Variants in DAPK2 observed in about 807,000 individuals in gnomAD.
DAPK2 encodes death associated protein kinase 2.
DAPK2 carries 35 observed loss-of-function variants against 44.1 expected under a neutral mutation model. The ratio of observed to expected loss-of-function variants is 0.79; its 90% CI spans 0.61 to 1.05. The LOEUF (loss-of-function observed/expected upper bound fraction) is 1.05. Ranked by LOEUF, DAPK2 falls within the 50% of genes least tolerant of loss-of-function variation. DAPK2 has a pLI of 0.00. For missense variants in DAPK2, 453 were observed against 483.2 expected, an observed-to-expected ratio of 0.94 and a Z score of 0.59; for synonymous variants, 174 against 182.6, an observed-to-expected ratio of 0.95 and a Z score of 0.38.
At chr15:64,028,207 C>T (rs1371671526) in intron 1 of DAPK2, among the ~76,000 whole-genome samples, 9 of 152,080 alleles carry the variant, frequency 5.9e-5, no homozygotes, top group South Asian at 2.1e-4. Context: ...TACAGGTGTG[C>T]GCCACCACAC....
chr15:64,022,289 T>A (rs2079705789), intron 1 of DAPK2, among the ~76,000 whole-genome samples: 1 of 152,222 alleles, frequency 6.6e-6, no homozygotes, highest in African/African-American at 2.4e-5. Flanking sequence ...TTATTAACAT[T>A]TAAATAGTTT....
intron 3 of DAPK2, among the ~76,000 whole-genome samples, chr15:63,941,295 C>A (rs78381539): frequency 6.6e-6 from 1 of 152,204 alleles, no homozygotes; most frequent in South Asian, 2.1e-4. Context: ...AGCCCCACCC[C>A]GCTCCAGGCC....
At chr15:64,036,309 G>GTGTGTGTA (rs1255068392) in intron 1 of DAPK2, among the ~76,000 whole-genome samples, 6 of 60,518 alleles carry the variant, frequency 9.9e-5, no homozygotes, top group African/African-American at 2.4e-4. Flanking sequence ...GTGTGTGTGT[G>GTGTGTGTA]TATATATATG....
At chr15:64,024,564 C>T (rs1307629947) in intron 1 of DAPK2, among the ~76,000 whole-genome samples, 1 of 152,178 alleles carries the variant, frequency 6.6e-6, no homozygotes, top group Non-Finnish European at 1.5e-5. Flanking sequence ...GAGTGCAAAG[C>T]ACCAAGGAGC....
intron 3 of DAPK2, among the ~76,000 whole-genome samples, chr15:63,970,530 G>T (rs969271575): frequency 6.6e-6 from 1 of 152,020 alleles, no homozygotes; most frequent in Non-Finnish European, 1.5e-5. Context: ...TAGAGTTGCT[G>T]GTTTTTCTAT....
upstream of DAPK2, among the ~76,000 whole-genome samples, chr15:64,042,090 G>T (rs977845341): frequency 2.0e-5 from 3 of 152,008 alleles, no homozygotes; most frequent in African/African-American, 7.3e-5. This position sits in a 1 kb window ranked among gnomAD's most constrained non-coding sequence, Gnocchi z 4.7. Flanking sequence ...ACCCTCTCTG[G>T]GACTCATCCC....
intron 3 of DAPK2, among the ~76,000 whole-genome samples, chr15:63,946,858 A>C (rs1042564155): frequency 1.3e-5 from 2 of 152,192 alleles, no homozygotes; most frequent in Non-Finnish European, 2.9e-5. Context: ...CATGTCAAGC[A>C]CAGCCCCAGA....
rs28514720 is a variant in DAPK2, at chr15:63,934,643, C to T, written c.584-4188G>A. Among the ~76,000 whole-genome samples the T allele has an allele frequency of 6.3e-3, 959 of 152,180 alleles. 10 individuals carry two copies. The highest frequency in any genetic ancestry group is 0.022 in the African/African-American group (921 of 41,512). On this transcript the variant is annotated intron_variant, in intron 4 of 10. Transcript: ENST00000261891. ...TGTTATCTCAGCTCTGTGCAACCTCCGCCTCCCAGGTTCAAGCAATTCTTC... is the reference window on the plus strand; with the variant it reads ...TGTTATCTCAGCTCTGTGCAACCTCTGCCTCCCAGGTTCAAGCAATTCTTC...
intron 1 of DAPK2, among the ~76,000 whole-genome samples, chr15:64,032,884 A>C (rs2080056725): frequency 6.6e-6 from 1 of 151,848 alleles, no homozygotes; most frequent in Admixed American, 6.6e-5. Flanking sequence ...TCAGGAGTTC[A>C]AGACCAGCCT....
intron 2 of DAPK2, among the ~76,000 whole-genome samples, chr15:63,982,701 C>T (rs2078556029): frequency 6.6e-6 from 1 of 152,210 alleles, no homozygotes; most frequent in African/African-American, 2.4e-5. Flanking sequence ...GGCCAACCCG[C>T]CTCACACTCA....
upstream of DAPK2, among the ~76,000 whole-genome samples, chr15:64,041,237 AG>A (rs1159361916): frequency 6.6e-6 from 1 of 152,140 alleles, no homozygotes; most frequent in African/African-American, 2.4e-5. Context: ...AGGAGTCAGG[AG>A]CCTGAGGTGC....
At chr15:64,035,473 G>A (rs539587175) in intron 1 of DAPK2, among the ~76,000 whole-genome samples, 1 of 152,240 alleles carries the variant, frequency 6.6e-6, no homozygotes, top group South Asian at 2.1e-4. Context: ...CCGATTAAAG[G>A]AAGTAATGAC....
intron 1 of DAPK2, 69 bp from the exon 3 acceptor site, chr15:63,983,823 C>A: frequency 6.9e-7 from 1 of 1,440,870 alleles, no homozygotes; most frequent in Non-Finnish European, 9.5e-7. Context: ...CCACTGTCAG[C>A]TACCAGGTCA....
chr15:63,932,573 TA>T (rs1430434906), intron 4 of DAPK2: 3 of 151,522 alleles, frequency 2.0e-5, no homozygotes, highest in Non-Finnish European at 4.4e-5. Context: ...TGACACTTTT[TA>T]AAAGCTTGGA....
chr15:63,990,588 G>A lies in DAPK2; in HGVS notation c.93-6834C>T, dbSNP rs1181637669. Among the ~76,000 whole-genome samples the A allele has an allele frequency of 6.6e-6, 1 of 152,134 alleles. No individual in the cohort carries two copies. Among genetic ancestry groups the A allele is most frequent in the African/African-American group, 2.4e-5 (1 of 41,432 alleles). On this transcript the variant is annotated intron_variant, in intron 1 of 10. Transcript: ENST00000261891. The surrounding 1 kb of genome is among the most constrained non-coding windows in gnomAD (Gnocchi z 4.3). ...CATAGAACGCAGGGCCCCAGCCAAGGGACAAGATGCCACCAGAGGTGAGAG... is the reference window on the plus strand; with the variant it reads ...CATAGAACGCAGGGCCCCAGCCAAGAGACAAGATGCCACCAGAGGTGAGAG...
chr15:63,975,684 C>A (rs184791763), intron 2 of DAPK2, among the ~76,000 whole-genome samples: 1 of 151,996 alleles, frequency 6.6e-6, no homozygotes, highest in South Asian at 2.1e-4. Flanking sequence ...CTGCAACCTC[C>A]GCCTCCCAGG....
At chr15:63,929,907 G>T in intron 5 of DAPK2, 2 of 489,570 alleles carry the variant, frequency 4.1e-6, no homozygotes, top group Non-Finnish European at 7.8e-6. Flanking sequence ...TACCTCACAG[G>T]ACTGTTGGCA....
At chr15:64,011,203 G>A (rs561272263) in intron 1 of DAPK2, among the ~76,000 whole-genome samples, 15 of 152,164 alleles carry the variant, frequency 9.9e-5, no homozygotes, top group African/African-American at 3.1e-4. Context: ...CCCCAACTAC[G>A]TGACTTCTGG....
intron 3 of DAPK2, among the ~76,000 whole-genome samples, chr15:63,968,731 T>C (rs1003278277): frequency 6.6e-6 from 1 of 152,216 alleles, no homozygotes; most frequent in African/African-American, 2.4e-5. Flanking sequence ...AGGTGTATCA[T>C]GGTACATGGT....
Sources: gnomAD v4.1 joint callset for allele counts (sites outside exome capture counted in the v4.1 genomes callset) on GRCh38, gnomAD v4.1.1 for gene constraint, Gnocchi (gnomAD v3.1) non-coding constraint, MANE v1.5 for transcripts, NCBI Gene and HGNC (gene_info 2026-07-23, HGNC 2026-07-21) for gene names.